The following SRSF10 variants were observed in gnomAD, a reference collection of about 807,000 sequenced individuals.
The protein encoded by SRSF10 is serine/arginine-rich splicing factor 10.
A neutral mutation model predicts 32.6 loss-of-function variants in SRSF10; 9 were observed. The ratio of observed to expected loss-of-function variants is 0.28; its 90% CI spans 0.17 to 0.48. The LOEUF is 0.48. Ranked by LOEUF, SRSF10 falls within the 20% of genes least tolerant of loss-of-function variation. The pLI is 0.99. For synonymous variants in SRSF10, 105 were observed against 112.4 expected (o/e 0.93, Z 0.42); for missense variants, 201 against 331.8 (o/e 0.61, Z 3.06).
chr1:23,966,416 C>T lies in SRSF10; in HGVS notation c.*4726G>A, dbSNP rs1206887684. ...ATGTATAGGTAAAGAAACATCATAT[C>T]CTAATAAGAAACTAAGGAATCCAAA... On this transcript the variant is annotated 3_prime_UTR_variant, in exon 6 of 6. Transcript: ENST00000492112. The T allele has an allele frequency of 3.3e-5, 5 of 151,840 alleles. No homozygotes were observed. The highest frequency in any genetic ancestry group is 1.2e-4 in the African/African-American group (5 of 41,380). 9.4% of individuals were successfully genotyped at this position (151,840 alleles called of 1,614,324 possible).
intron 3 of SRSF10, 49 bp downstream of exon 3, chr1:23,974,925 A>G (rs915806141): frequency 1.5e-6 from 2 of 1,366,712 alleles, no homozygotes; most frequent in African/African-American, 2.9e-5. Context: ...AAAAATCTCA[A>G]AACACTAAAA....
rs1641446527 is a variant in SRSF10 at position 23,966,271 on chromosome 1, T to C, written c.*4871A>G. 1 of 151,924 alleles carries C rather than the reference T, an allele frequency of 6.6e-6. No individual in the cohort carries two copies. Among genetic ancestry groups the C allele is most frequent in the South Asian group, 2.1e-4 (1 of 4,836 alleles). The allele number at this position is 151,924 out of a possible 1,614,324, so 9.4% of individuals were successfully genotyped here. On this transcript the variant is annotated 3_prime_UTR_variant, in exon 6 of 6. Coordinates refer to ENST00000492112, the MANE Select transcript of SRSF10 (RefSeq NM_054016.4). ...CCCTTGAAAATATACCTCTGCTATA[T>C]TTTCAAAATTGCTACAAATTAAAAG...
chr1:23,967,339 T>A lies in SRSF10; in HGVS notation c.*3803A>T. 1 of 229,856 alleles carries A rather than the reference T, an allele frequency of 4.4e-6. No individual in the cohort carries two copies. Among genetic ancestry groups the A allele is most frequent in the Non-Finnish European group, 8.5e-6 (1 of 117,410 alleles). The allele number at this position is 229,856 out of a possible 1,614,324, so 14.2% of individuals were successfully genotyped here. A position where few individuals can be genotyped will look rare whatever the true frequency, so the allele number is the denominator to read the frequency against. ...GTTTGAGACAGACCAACAGAGGCAC[T>A]GTAAGAGACTATGGCTGTCTTCCTT... On this transcript the variant is annotated 3_prime_UTR_variant, in exon 6 of 6. Transcript: ENST00000492112.
rs1181667349 is a variant in SRSF10, at chr1:23,966,861, G to A, written c.*4281C>T. 2.0e-5 allele frequency: 3 copies of A among 151,926 alleles called. No individual in the cohort carries two copies. The highest frequency in any genetic ancestry group is 4.4e-5 in the Non-Finnish European group (3 of 67,930). The allele number at this position is 151,926 out of a possible 1,614,324, so 9.4% of individuals were successfully genotyped here. ...TTACTTATCCTTGATCGTATATTGTGTTCTATAATTACATTGATACGAATG... is the reference window on the plus strand; with the variant it reads ...TTACTTATCCTTGATCGTATATTGTATTCTATAATTACATTGATACGAATG... On this transcript the variant is annotated 3_prime_UTR_variant, in exon 6 of 6. Transcript: ENST00000492112.
At position 23,966,140 on chromosome 1, in the gene SRSF10, A is replaced by T. The variant is rs1360241254; in HGVS notation, c.*5002T>A. The T allele has an allele frequency of 2.0e-5, 3 of 151,974 alleles. No individual in the cohort carries two copies. The highest frequency in any genetic ancestry group is 7.2e-5 in the African/African-American group (3 of 41,446). 9.4% of individuals were successfully genotyped at this position (151,974 alleles called of 1,614,324 possible). A position where few individuals can be genotyped will look rare whatever the true frequency, so the allele number is the denominator to read the frequency against. On this transcript the variant is annotated 3_prime_UTR_variant, in exon 6 of 6. Transcript: ENST00000492112. ...TAACAAAAGATGAAACAAGTGAAAA[A>T]TTATGGGCTGTAACCTAGGATCTGA...
Position 23,970,847 on chromosome 1 carries a change from A to G in SRSF10, c.*295T>C. 1 of 1,141,352 alleles carries G rather than the reference A, an allele frequency of 8.8e-7. No homozygotes were observed. The highest frequency in any genetic ancestry group is 1.1e-6 in the Non-Finnish European group (1 of 930,490). 70.7% of individuals were successfully genotyped at this position (1,141,352 alleles called of 1,614,324 possible). On this transcript the variant is annotated 3_prime_UTR_variant, in exon 6 of 6. Transcript: ENST00000492112. Reference sequence around the variant, plus strand: ...TATTTTTAATGAGACAATGTTGCAAATTATGGTCAACCAACATCTTTTCAC... The same window carrying G: ...TATTTTTAATGAGACAATGTTGCAAGTTATGGTCAACCAACATCTTTTCAC...
rs1379338887 is a variant in SRSF10, at chr1:23,966,620, C to T, written c.*4522G>A. ...CCTCAAAATAATCTAATTATAGCAC[C>T]CAGTCTCCTTTATACCTAATGCAAA... On this transcript the variant is annotated 3_prime_UTR_variant, in exon 6 of 6. Transcript: ENST00000492112. The T allele has an allele frequency of 6.6e-6, 1 of 151,908 alleles. No homozygotes were observed. Among genetic ancestry groups the T allele is most frequent in the African/African-American group, 2.4e-5 (1 of 41,384 alleles). 9.4% of individuals were successfully genotyped at this position (151,908 alleles called of 1,614,324 possible). A position where few individuals can be genotyped will look rare whatever the true frequency, so the allele number is the denominator to read the frequency against.
Position 23,968,235 on chromosome 1 carries a change from A to G in SRSF10, c.*2907T>C, listed in dbSNP as rs1641554162. On this transcript the variant is annotated 3_prime_UTR_variant, in exon 6 of 6. Transcript: ENST00000492112. Reference sequence around the variant, plus strand: ...CTGTTAGGTGTGTCGCTTTAGGAACAACATATAAGATTCTCAATAGTCCAA... The same window carrying G: ...CTGTTAGGTGTGTCGCTTTAGGAACGACATATAAGATTCTCAATAGTCCAA... Among the ~76,000 whole-genome samples the G allele has an allele frequency of 6.6e-6, 1 of 152,186 alleles. No individual in the cohort carries two copies. Among genetic ancestry groups the G allele is most frequent in the African/African-American group, 2.4e-5 (1 of 41,436 alleles).
chr1:23,972,539 T>C (rs1351038938), intron 3 of SRSF10, among the ~76,000 whole-genome samples: 1 of 151,948 alleles, frequency 6.6e-6, no homozygotes, highest in African/African-American at 2.4e-5. Context: ...CCCACACCAG[T>C]TGAAGCCATT....
In SRSF10 at chr1:23,970,226, GA is replaced by G. The variant is rs1641663601; in HGVS notation, c.*915del. On this transcript the variant is annotated 3_prime_UTR_variant, in exon 6 of 6. Transcript: ENST00000492112. Reference sequence around the variant, plus strand: ...ATGTTCCAAATCTTCATAGGAACCAGAAAAAAAGCAGTGAAGGCTCCATGTT... The same window carrying G: ...ATGTTCCAAATCTTCATAGGAACCAGAAAAAAGCAGTGAAGGCTCCATGTT... The G allele has an allele frequency of 1.0e-6, 1 of 985,200 alleles. No homozygotes were observed. The highest frequency in any genetic ancestry group is 1.2e-6 in the Non-Finnish European group (1 of 829,876). The allele number at this position is 985,200 out of a possible 1,614,324, so 61.0% of individuals were successfully genotyped here.
At chr1:23,978,535 T>C in intron 2 of SRSF10, 178 bp downstream of exon 2, 1 of 831,786 alleles carries the variant, frequency 1.2e-6, no homozygotes, top group Non-Finnish European at 1.7e-6. Flanking sequence ...TATTTTACCA[T>C]TTTTGGATTA....
At position 23,971,189 on chromosome 1, in the gene SRSF10, T is replaced by C; in HGVS notation, c.742A>G (p.Lys248Glu). ...QSRSQSRSRS[K>E]SRSRSWTSPK... ...CTAGTCCAAGACCTTGATCTAGATT[T>C]TGACCTAGACCTAGACTGTGATCTT... The change falls in exon 6 of 6, where the codon AAA (lysine) becomes GAA (glutamate). Residue 248 changes from lysine (K) to glutamate (E), a missense_variant. By Grantham distance (56) the Lys-to-Glu change is moderately conservative (BLOSUM62 1). Transcript: ENST00000492112. The C allele has an allele frequency of 6.2e-7, 1 of 1,613,326 alleles. No homozygotes were observed. The highest frequency in any genetic ancestry group is 8.5e-7 in the Non-Finnish European group (1 of 1,179,962).
rs1209721015 is a variant in SRSF10 at position 23,968,440 on chromosome 1, C to G, written c.*2702G>C. Among the ~76,000 whole-genome samples, 1 of 152,176 alleles carries G rather than the reference C, an allele frequency of 6.6e-6. No individual in the cohort carries two copies. Among genetic ancestry groups the G allele is most frequent in the East Asian group, 1.9e-4 (1 of 5,202 alleles). On this transcript the variant is annotated 3_prime_UTR_variant, in exon 6 of 6. Coordinates refer to ENST00000492112, the MANE Select transcript of SRSF10 (RefSeq NM_054016.4). ...CCAGGCCTGGGCTTAAATCCTGGCT[C>G]TGCCTTACAGTCTTTTCTTTGTGCC... is the stretch of plus-strand genomic sequence containing the variant.
chr1:23,968,085 CTCAG>C lies in SRSF10; in HGVS notation c.*3053_*3056del. 2 of 1,464,046 alleles carry C rather than the reference CTCAG, an allele frequency of 1.4e-6. No homozygotes were observed. The highest frequency in any genetic ancestry group is 9.0e-7 in the Non-Finnish European group (1 of 1,107,596). 90.7% of individuals were successfully genotyped at this position (1,464,046 alleles called of 1,614,324 possible). On this transcript the variant is annotated 3_prime_UTR_variant, in exon 6 of 6. Coordinates refer to ENST00000492112, the MANE Select transcript of SRSF10 (RefSeq NM_054016.4). ...AGCCCAGTCATACACAGTAGGTAAA[CTCAG>C]TAAGTGGGGGACTCAACTACATCAC...
intron 1 of SRSF10, 70 bp from the exon 2 acceptor site, chr1:23,978,887 T>C (rs1642238599): frequency 7.4e-7 from 1 of 1,347,692 alleles, no homozygotes. Flanking sequence ...ATATATCTTT[T>C]TGATGAAGGA....
chr1:23,964,497 A>AATTT lies in SRSF10; in HGVS notation c.*6644_*6645insAAAT. Among the ~76,000 whole-genome samples the AATTT allele has an allele frequency of 6.6e-6, 1 of 152,020 alleles. No individual in the cohort carries two copies. Among genetic ancestry groups the AATTT allele is most frequent in the Admixed American group, 6.6e-5 (1 of 15,262 alleles). On this transcript the variant is annotated 3_prime_UTR_variant, in exon 6 of 6. Coordinates refer to ENST00000492112, the MANE Select transcript of SRSF10 (RefSeq NM_054016.4). ...TCAGCCATACTGTGAACCTTAGGTA[A>AATTT]ATGCTGTAATTTCAATTTGTCTTCT... is the stretch of plus-strand genomic sequence containing the variant.
intron 1 of SRSF10, among the ~76,000 whole-genome samples, chr1:23,979,764 C>T (rs912830287): frequency 1.3e-5 from 2 of 151,760 alleles, no homozygotes; most frequent in African/African-American, 2.4e-5. Context: ...ACATTCCTCT[C>T]CCTCGATCCC....
chr1:23,975,515 A>G (rs2148508217), intron 2 of SRSF10: 1 of 157,606 alleles, frequency 6.3e-6, no homozygotes, highest in African/African-American at 2.4e-5. Context: ...AAATGCCAAT[A>G]GTTCTTGTGT....
intron 1 of SRSF10, among the ~76,000 whole-genome samples, chr1:23,979,212 T>C (rs1348629934): frequency 1.3e-5 from 2 of 152,160 alleles, no homozygotes; most frequent in African/African-American, 4.8e-5. Context: ...TCGAACTTCT[T>C]AAATAGTTAA....
Sources: allele counts gnomAD v4.1 joint callset (sites outside exome capture counted in the v4.1 genomes callset), GRCh38; gene constraint gnomAD v4.1.1; transcripts MANE v1.5; gene names NCBI Gene and HGNC (gene_info 2026-07-23, HGNC 2026-07-21).